Variants in CASP2 observed in about 807,000 individuals in gnomAD.
CASP2 encodes the protein caspase-2.
Under a neutral mutation model 54.4 loss-of-function variants are expected in CASP2, and 38 were observed. That is an observed-to-expected ratio of 0.70 (90% CI 0.54 to 0.92). CASP2 has a LOEUF of 0.92. CASP2 is among the 40% of genes least tolerant of loss of function. The probability of loss-of-function intolerance (pLI) is 0.00; values close to 1 mark genes in which losing one functional copy is unlikely to be tolerated. For missense variants in CASP2, 512 were observed against 579.6 expected, an observed-to-expected ratio of 0.88 and a Z score of 1.20; for synonymous variants, 215 against 216.3, an observed-to-expected ratio of 0.99 and a Z score of 0.05.
intron 8 of CASP2, chr7:143,301,584 T>C (rs1801918650): frequency 6.6e-6 from 1 of 152,158 alleles, no homozygotes; most frequent in South Asian, 2.1e-4. Context: ...GAGGGTAGTT[T>C]AAAGAGATTT....
At chr7:143,300,616 T>C in intron 8 of CASP2, 2 of 1,360,500 alleles carry the variant, frequency 1.5e-6, no homozygotes, top group East Asian at 3.7e-5. Flanking sequence ...GGTGCCCTTT[T>C]TTTGGTTACT....
intron 6 of CASP2, among the ~76,000 whole-genome samples, chr7:143,298,006 TG>T (rs757160595): frequency 6.6e-6 from 1 of 152,236 alleles, no homozygotes; most frequent in Non-Finnish European, 1.5e-5. Context: ...TTTATGTAAT[TG>T]CATCTCAATT....
rs540539387 is a variant in CASP2, at chr7:143,296,936, A to T, written c.747+2163A>T. Among the ~76,000 whole-genome samples the T allele has an allele frequency of 2.0e-5, 3 of 152,252 alleles. No individual in the cohort carries two copies. In the East Asian group the frequency reaches 5.8e-4, roughly 29 times the overall value. On this transcript the variant is annotated intron_variant, in intron 6 of 10. Coordinates refer to ENST00000310447, the MANE Select transcript of CASP2 (RefSeq NM_032982.4). ...ATTAAGTTTTTATTGCATCTACTTCATGAGGTTACTAGTTCTAGAATTATG... is the reference window on the plus strand; with the variant it reads ...ATTAAGTTTTTATTGCATCTACTTCTTGAGGTTACTAGTTCTAGAATTATG...
intron 1 of CASP2, among the ~76,000 whole-genome samples, chr7:143,289,915 G>C (rs146748062): frequency 3.2e-4 from 48 of 152,062 alleles, no homozygotes; most frequent in African/African-American, 1.1e-3. Flanking sequence ...TGCTATCTTA[G>C]TTCTCCCAGT....
chr7:143,294,186 GT>G, intron 4 of CASP2, 43 bp from the exon 5 acceptor site: 1 of 1,013,928 alleles, frequency 9.9e-7, no homozygotes, highest in Non-Finnish European at 1.6e-6. Context: ...AAGATTGATG[GT>G]TAAGTTATAT....
chr7:143,291,826 T>C, intron 2 of CASP2, 136 bp downstream of exon 2: 1 of 691,528 alleles, frequency 1.4e-6, no homozygotes. Context: ...TCTCCCAGGC[T>C]GGAGTACAAT....
At chr7:143,298,985 G>T (rs186642046) in intron 6 of CASP2, among the ~76,000 whole-genome samples, 2 of 151,566 alleles carry the variant, frequency 1.3e-5, no homozygotes, top group Admixed American at 6.6e-5. Context: ...TTTGAGACAG[G>T]GTCTCTCTCT....
At chr7:143,296,873 A>G (rs1801770560) in intron 6 of CASP2, among the ~76,000 whole-genome samples, 2 of 152,208 alleles carry the variant, frequency 1.3e-5, no homozygotes, top group Non-Finnish European at 2.9e-5. Context: ...GAACATGGGT[A>G]TTCTCACTGC....
intron 7 of CASP2, 52 bp downstream of exon 7, chr7:143,300,103 C>T: frequency 6.2e-7 from 1 of 1,613,802 alleles, no homozygotes; most frequent in Non-Finnish European, 8.5e-7. Flanking sequence ...GCTTTACCTC[C>T]TGCCTGCTGT....
At chr7:143,294,396 G>A (rs752446380) in intron 5 of CASP2, 72 bp downstream of exon 5, 93 of 1,142,416 alleles carry the variant, frequency 8.1e-5, no homozygotes, top group Middle Eastern at 1.9e-4. Flanking sequence ...CCTGAACTTA[G>A]TTTGCATGTA....
chr7:143,293,281 C>G (rs1563061288), intron 4 of CASP2: 1 of 475,910 alleles, frequency 2.1e-6, no homozygotes, highest in Non-Finnish European at 3.7e-6. Flanking sequence ...GTGCATGCCA[C>G]CACACCTAGC....
chr7:143,300,385 A>G (rs763709140), intron 8 of CASP2, 91 bp downstream of exon 8: 30 of 1,601,244 alleles, frequency 1.9e-5, no homozygotes, highest in East Asian at 4.5e-5. Context: ...CTCAGGTGCT[A>G]TTGGATCCCT....
rs143373919 is a variant in CASP2, at chr7:143,294,491, G to A, written c.571-106G>A. 7.1e-4 allele frequency: 864 copies of A among 1,222,658 alleles called. 3 individuals carry two copies. In the African/African-American group the frequency reaches 7.5e-3, roughly 11 times the overall value. 75.7% of individuals were successfully genotyped at this position (1,222,658 alleles called of 1,614,324 possible). A position where few individuals can be genotyped will look rare whatever the true frequency, so the allele number is the denominator to read the frequency against. ...ATTTGTCTATTTTTACCTGCTGGAG[G>A]TTAAGAAGAAAAATACGATGTCTTT... On this transcript the variant is annotated intron_variant, in intron 5 of 10. Transcript: ENST00000310447.
chr7:143,300,287 C>T lies in CASP2; in HGVS notation c.960C>T (p.Cys320=), dbSNP rs777570112. ...NKPKMFFIQA[C]RGDETDRGVD... ...CAAAAATGTTCTTCATCCAGGCCTG[C>T]CGTGGAGGTGAGTGCCCTAGCAGAC... Residue 320 remains cysteine, a synonymous_variant, in exon 8 of 11, where the codon TGC becomes TGT. Coordinates refer to ENST00000310447, the MANE Select transcript of CASP2 (RefSeq NM_032982.4). 1.9e-6 allele frequency: 3 copies of T among 1,613,754 alleles called. No individual in the cohort carries two copies. The highest frequency in any genetic ancestry group is 1.3e-5 in the African/African-American group (1 of 74,924).
intron 8 of CASP2, chr7:143,300,545 A>C: frequency 6.5e-7 from 1 of 1,528,666 alleles, no homozygotes. Flanking sequence ...CAGGTCTCTT[A>C]TCCCGTGTCT....
In CASP2 at chr7:143,291,614, A is replaced by G. The variant is rs374173198; in HGVS notation, c.149A>G (p.Gln50Arg). Reference protein sequence around the residue: ...LKKNRVVLAKQLLLSELLEHL... With the variant: ...LKKNRVVLAKRLLLSELLEHL... ...AAGAACCGAGTGGTGCTAGCCAAAC[A>G]GCTGTTGTTGAGCGAATTGTTAGAA... is the stretch of plus-strand genomic sequence containing the variant. Residue 50 changes from glutamine to arginine, a missense_variant, in exon 2 of 11, where the codon CAG (glutamine) becomes CGG (arginine). Transcript: ENST00000310447. 2 of 1,613,916 alleles carry G rather than the reference A, an allele frequency of 1.2e-6. No homozygotes were observed. The highest frequency in any genetic ancestry group is 2.7e-5 in the African/African-American group (2 of 74,880).
rs928494001 is a variant in CASP2 at position 143,300,505 on chromosome 7, A to G, written c.967+211A>G. 5 of 1,584,352 alleles carry G rather than the reference A, an allele frequency of 3.2e-6. No homozygotes were observed. The African/African-American group carries it at 6.7e-5, about 21-fold the overall frequency. Reference sequence around the variant, plus strand: ...GCAGCCCATGGCTCTCAGGCTGGTCAGCTCTCCGTGCACCACCATATCCTG... The same window carrying G: ...GCAGCCCATGGCTCTCAGGCTGGTCGGCTCTCCGTGCACCACCATATCCTG... On this transcript the variant is annotated intron_variant, in intron 8 of 10. Coordinates refer to ENST00000310447, the MANE Select transcript of CASP2 (RefSeq NM_032982.4).
At chr7:143,294,563 G>A in intron 5 of CASP2, 34 bp from the exon 6 acceptor site, 1 of 1,598,248 alleles carries the variant, frequency 6.3e-7, no homozygotes, top group South Asian at 1.1e-5. Flanking sequence ...CTGTTATCAA[G>A]ACGCTCATGG....
Position 143,288,392 on chromosome 7 carries a change from C to T in CASP2, c.-64C>T, listed in dbSNP as rs796950528. The T allele has an allele frequency of 7.9e-6, 12 of 1,525,700 alleles. No individual in the cohort carries two copies. The East Asian group carries it at 2.7e-4, about 35-fold the overall frequency. 94.5% of individuals were successfully genotyped at this position (1,525,700 alleles called of 1,614,324 possible). A position where few individuals can be genotyped will look rare whatever the true frequency, so the allele number is the denominator to read the frequency against. On this transcript the variant is annotated 5_prime_UTR_variant, in exon 1 of 11. The change creates a premature stop within an existing upstream ORF in the 5' untranslated region. Coordinates refer to ENST00000310447, the MANE Select transcript of CASP2 (RefSeq NM_032982.4). ...TCTGAGGGGAGGGATGTGGGGGAAG[C>T]GACGGCCCCCGGTTTGTTTGGGCTG...
Sources: allele counts gnomAD v4.1 joint callset (sites outside exome capture counted in the v4.1 genomes callset), GRCh38; gene constraint gnomAD v4.1.1; transcripts MANE v1.5; gene names NCBI Gene and HGNC (gene_info 2026-07-23, HGNC 2026-07-21).